DIS3L2: variants seen among roughly 807,000 people sequenced by gnomAD.
DIS3L2 encodes DIS3-like exonuclease 2.
DIS3L2 carries 34 observed loss-of-function variants against 97.5 expected under a neutral mutation model. That is an observed-to-expected ratio of 0.35 (90% CI 0.27 to 0.46). DIS3L2 has a LOEUF of 0.46. DIS3L2 is among the 20% of genes least tolerant of loss of function. The pLI is 1.00. For synonymous variants in DIS3L2, 435 were observed against 445.2 expected (o/e 0.98, Z 0.29); for missense variants, 1,038 against 1,146.0 (o/e 0.91, Z 1.36).
intron 14 of DIS3L2, among the ~76,000 whole-genome samples, chr2:232,301,041 A>T (rs1378046177): frequency 6.6e-6 from 1 of 152,156 alleles, no homozygotes; most frequent in Non-Finnish European, 1.5e-5. Context: ...CCCGATGATG[A>T]CAATGATGGT....
intron 5 of DIS3L2, among the ~76,000 whole-genome samples, chr2:232,086,891 A>T (rs377348785): frequency 2.0e-5 from 3 of 151,596 alleles, no homozygotes; most frequent in Non-Finnish European, 4.4e-5. Context: ...CGTGTTAGCC[A>T]GGATGGTCTC....
intron 13 of DIS3L2, among the ~76,000 whole-genome samples, chr2:232,274,779 T>A (rs1694096766): frequency 6.6e-6 from 1 of 152,272 alleles, no homozygotes; most frequent in Non-Finnish European, 1.5e-5. Context: ...AAAAAGCCAG[T>A]TACCATCTAC....
intron 8 of DIS3L2, among the ~76,000 whole-genome samples, chr2:232,158,869 T>A (rs940625297): frequency 6.6e-6 from 1 of 152,308 alleles, no homozygotes; most frequent in Admixed American, 6.5e-5. Context: ...AATTACTAAT[T>A]ATTACCTGTC....
At chr2:231,998,948 T>C (rs1436969035) in intron 1 of DIS3L2, among the ~76,000 whole-genome samples, 1 of 152,228 alleles carries the variant, frequency 6.6e-6, no homozygotes, top group African/African-American at 2.4e-5. Flanking sequence ...CTGTGAACTT[T>C]TGACATGTCC....
intron 6 of DIS3L2, among the ~76,000 whole-genome samples, chr2:232,088,813 G>A (rs2106311234): frequency 6.6e-6 from 1 of 152,284 alleles, no homozygotes; most frequent in Non-Finnish European, 1.5e-5. Context: ...AGTACAATTT[G>A]AATATTTCAA....
chr2:232,022,864 A>G (rs1190518410), intron 3 of DIS3L2, among the ~76,000 whole-genome samples: 1 of 152,180 alleles, frequency 6.6e-6, no homozygotes, highest in Non-Finnish European at 1.5e-5. Context: ...ACAGCTGTCT[A>G]GAAGTGGATT....
downstream of DIS3L2, among the ~76,000 whole-genome samples, chr2:232,339,312 CT>C (rs1227303461): frequency 3.3e-5 from 5 of 152,174 alleles, no homozygotes; most frequent in Non-Finnish European, 5.9e-5. Context: ...GGCGAGGCCT[CT>C]GCAGAAGCAG....
intron 6 of DIS3L2, among the ~76,000 whole-genome samples, chr2:232,100,092 A>G (rs1038457116): frequency 2.0e-5 from 3 of 151,268 alleles, no homozygotes; most frequent in Non-Finnish European, 4.4e-5. Flanking sequence ...CTGGAGTGCA[A>G]TTGCGTGATC....
chr2:231,969,309 C>CTTT (rs149580697), intron 1 of DIS3L2, among the ~76,000 whole-genome samples: 8 of 137,074 alleles, frequency 5.8e-5, no homozygotes, highest in Non-Finnish European at 8.0e-5. Context: ...AGTCCTAGAC[C>CTTT]TTTTTTTTTT....
chr2:232,202,824 C>G (rs1294302165), intron 9 of DIS3L2, among the ~76,000 whole-genome samples: 2 of 152,184 alleles, frequency 1.3e-5, no homozygotes, highest in African/African-American at 4.8e-5. Context: ...TGCTTCTTAG[C>G]ATCTTTTGTG....
chr2:231,966,183 T>G (rs1692708047), intron 1 of DIS3L2, among the ~76,000 whole-genome samples: 3 of 150,642 alleles, frequency 2.0e-5, no homozygotes, highest in Admixed American at 2.0e-4. Context: ...TTTTTTTTTT[T>G]TTTGAGACAG....
chr2:231,987,100 A>G (rs548839395), intron 1 of DIS3L2, among the ~76,000 whole-genome samples: 1 of 152,286 alleles, frequency 6.6e-6, no homozygotes, highest in East Asian at 1.9e-4. Context: ...AGGAAACCCT[A>G]AGTTGTCTGG....
intron 5 of DIS3L2, among the ~76,000 whole-genome samples, chr2:232,054,911 A>G (rs1316584610): frequency 6.6e-6 from 1 of 152,230 alleles, no homozygotes; most frequent in Non-Finnish European, 1.5e-5. Context: ...TAGATTATGA[A>G]CAGGTAAGGT....
chr2:232,111,395 C>T (rs1371507773), intron 6 of DIS3L2: 3 of 351,588 alleles, frequency 8.5e-6, no homozygotes, highest in East Asian at 7.7e-5. Flanking sequence ...ATATGTATAC[C>T]GATTTTCGTC....
intron 6 of DIS3L2, among the ~76,000 whole-genome samples, chr2:232,109,965 A>G (rs1697474803): frequency 6.6e-6 from 1 of 152,206 alleles, no homozygotes; most frequent in African/African-American, 2.4e-5. Context: ...CCATCTGACA[A>G]AAGTCTAATA....
intron 1 of DIS3L2, among the ~76,000 whole-genome samples, chr2:231,993,203 A>G (rs1001572735): frequency 6.6e-6 from 1 of 151,642 alleles, no homozygotes; most frequent in Non-Finnish European, 1.5e-5. Flanking sequence ...ACTCCCGTCC[A>G]TCCAATTATG....
chr2:232,095,534 A>C (rs924303073), intron 6 of DIS3L2, among the ~76,000 whole-genome samples: 5 of 152,148 alleles, frequency 3.3e-5, no homozygotes, highest in African/African-American at 1.2e-4. Context: ...TAGTTGTTGT[A>C]GTTATTATTT....
At chr2:232,328,911 G>A (rs999413707) in intron 14 of DIS3L2, 1 of 152,274 alleles carries the variant, frequency 6.6e-6, no homozygotes, top group Non-Finnish European at 1.5e-5. Context: ...CAGATTTGGT[G>A]GTAGGGTCAG....
intron 10 of DIS3L2, among the ~76,000 whole-genome samples, chr2:232,216,666 A>C (rs1432797514): frequency 6.6e-6 from 1 of 152,050 alleles, no homozygotes; most frequent in Non-Finnish European, 1.5e-5. Context: ...AAGATGCAAG[A>C]TATTTGATAT....
Sources: allele counts gnomAD v4.1 joint callset (sites outside exome capture counted in the v4.1 genomes callset), GRCh38; gene constraint gnomAD v4.1.1; transcripts MANE v1.5; gene names NCBI Gene and HGNC (gene_info 2026-07-23, HGNC 2026-07-21).